NCAM2: variants seen among roughly 807,000 people sequenced by gnomAD.
NCAM2 encodes the protein neural cell adhesion molecule 2.
NCAM2 carries 30 observed loss-of-function variants against 98.1 expected under a neutral mutation model. That is an observed-to-expected ratio of 0.31 (90% CI 0.23 to 0.41). NCAM2 has a LOEUF of 0.41. Ranked by LOEUF, NCAM2 falls within the 10% of genes least tolerant of loss-of-function variation. The pLI, the probability that NCAM2 is intolerant of heterozygous loss-of-function variation, is 1.00. For missense variants in NCAM2, 867 were observed against 1,005.8 expected (o/e 0.86, Z 1.87); for synonymous variants, 368 against 342.4 (o/e 1.07, Z -0.83).
intron 1 of NCAM2, among the ~76,000 whole-genome samples, chr21:21,172,638 AC>A (rs2068160778): frequency 1.3e-5 from 2 of 152,230 alleles, no homozygotes; most frequent in South Asian, 4.1e-4. Flanking sequence ...TCAGCCTTTA[AC>A]TGGATAAAGT....
intron 12 of NCAM2, among the ~76,000 whole-genome samples, chr21:21,450,542 A>G (rs1252235420): frequency 6.6e-6 from 1 of 151,774 alleles, no homozygotes; most frequent in Non-Finnish European, 1.5e-5. Flanking sequence ...GTTGCTCAGG[A>G]TGGTCTCAAA....
intron 8 of NCAM2, among the ~76,000 whole-genome samples, chr21:21,353,843 G>T (rs372357464): frequency 6.6e-6 from 1 of 152,136 alleles, no homozygotes; most frequent in Non-Finnish European, 1.5e-5. Flanking sequence ...AGGAAAAAAA[G>T]AACATATTGT....
In NCAM2 at chr21:21,428,748, G is replaced by GAAAA. The variant is rs919420467; in HGVS notation, c.1481-3358_1481-3355dup. On this transcript the variant is annotated intron_variant, in intron 11 of 17. Transcript: ENST00000400546. ...AGGGTGAAGACAATTACAGATTACA[G>GAAAA]AAAAATCCAGAAAGTGAAGAGAAGA... is the stretch of plus-strand genomic sequence containing the variant. Among the ~76,000 whole-genome samples the GAAAA allele has an allele frequency of 1.6e-4, 25 of 152,276 alleles. No individual in the cohort carries two copies. In the South Asian group the frequency reaches 2.7e-3, roughly 16 times the overall value.
chr21:21,141,656 T>A (rs184997958), intron 1 of NCAM2, among the ~76,000 whole-genome samples: 2 of 152,332 alleles, frequency 1.3e-5, no homozygotes, highest in African/African-American at 4.8e-5. Flanking sequence ...GTGCTCAAAT[T>A]TTCTCCTCCT....
intron 2 of NCAM2, among the ~76,000 whole-genome samples, chr21:21,281,153 T>C (rs1189909597): frequency 6.6e-6 from 1 of 152,132 alleles, no homozygotes; most frequent in Non-Finnish European, 1.5e-5. Flanking sequence ...AAAATGATAT[T>C]AATTTTATTT....
intron 1 of NCAM2, among the ~76,000 whole-genome samples, chr21:21,076,581 T>C (rs1221519423): frequency 6.6e-6 from 1 of 152,196 alleles, no homozygotes; most frequent in Non-Finnish European, 1.5e-5. Context: ...GGTCAGTCTA[T>C]TTGATCTCAC....
intron 1 of NCAM2, among the ~76,000 whole-genome samples, chr21:21,024,111 A>G (rs1229094338): frequency 3.3e-5 from 5 of 152,232 alleles, no homozygotes; most frequent in Non-Finnish European, 5.9e-5. Context: ...GATATTCCAT[A>G]TAAGTGATGA....
chr21:21,252,695 T>C (rs1254032153), intron 1 of NCAM2, among the ~76,000 whole-genome samples: 2 of 152,120 alleles, frequency 1.3e-5, no homozygotes, highest in Non-Finnish European at 2.9e-5. Flanking sequence ...ACTTGAGAAA[T>C]TATGCTGGAT....
intron 1 of NCAM2, among the ~76,000 whole-genome samples, chr21:21,136,623 G>GGTTTTTTTTT (rs373375869): frequency 1.8e-5 from 1 of 55,750 alleles, no homozygotes. Context: ...CACCACGCCT[G>GGTTTTTTTTT]TTTTTTGTTT....
rs114070811 is a variant in NCAM2 at position 21,527,888 on chromosome 21, C to A, written c.2283-6649C>A. On this transcript the variant is annotated intron_variant, in intron 16 of 17. Transcript: ENST00000400546. The stretch of plus-strand genomic sequence containing the variant: ...TTGAAAGTGTATGTCTACACCAAAA[C>A]CGCACACTGATGTTTTCAGAAGCTT... Among the ~76,000 whole-genome samples the A allele has an allele frequency of 4.7e-3, 716 of 152,290 alleles. 4 individuals carry two copies. Among genetic ancestry groups the A allele is most frequent in the African/African-American group, 0.017 (686 of 41,568 alleles).
rs566336400 is a variant in NCAM2 at position 21,407,100 on chromosome 21, GACAT to G, written c.1196-3172_1196-3169del. Among the ~76,000 whole-genome samples the G allele has an allele frequency of 2.8e-4, 42 of 152,252 alleles. No individual in the cohort carries two copies. In the South Asian group the frequency reaches 2.9e-3, roughly 11 times the overall value. ...ATGACTATTTTTGGTACACCAACAT[GACAT>G]ATGGCTACATTCTTCAGCCACTTCA... On this transcript the variant is annotated intron_variant, in intron 9 of 17. Coordinates refer to ENST00000400546, the MANE Select transcript of NCAM2 (RefSeq NM_004540.5).
At chr21:21,265,313 GTATA>G (rs1568856592) in intron 1 of NCAM2, among the ~76,000 whole-genome samples, 1 of 124,314 alleles carries the variant, frequency 8.0e-6, no homozygotes, top group African/African-American at 3.0e-5. Flanking sequence ...ATACATACAC[GTATA>G]TATACACATA....
At chr21:21,291,222 TAATTAAGGA>T (rs1204664808) in intron 4 of NCAM2, among the ~76,000 whole-genome samples, 2 of 151,934 alleles carry the variant, frequency 1.3e-5, no homozygotes, top group Non-Finnish European at 2.9e-5. Context: ...ATGGATGTGT[TAATTAAGGA>T]AATTTTAGAT....
intron 1 of NCAM2, among the ~76,000 whole-genome samples, chr21:21,254,095 A>G (rs979066241): frequency 7.2e-5 from 11 of 152,214 alleles, no homozygotes; most frequent in Non-Finnish European, 1.6e-4. Context: ...ATCTCAGGAG[A>G]CTGAAAATCA....
Position 21,468,646 on chromosome 21 carries a change from T to G in NCAM2, c.1775-16T>G. The G allele has an allele frequency of 6.2e-7, 1 of 1,600,810 alleles. No homozygotes were observed. The highest frequency in any genetic ancestry group is 8.5e-7 in the Non-Finnish European group (1 of 1,173,098). The stretch of plus-strand genomic sequence containing the variant: ...GAAATGTGTGCAAATGAAGAAATGT[T>G]GTATTGTATATCTAGGTGAACCAAG... On this transcript the variant is annotated splice_polypyrimidine_tract_variant and intron_variant, in intron 13 of 17. Transcript: ENST00000400546.
At chr21:21,197,107 G>GT (rs1568753803) in intron 1 of NCAM2, among the ~76,000 whole-genome samples, 2 of 152,024 alleles carry the variant, frequency 1.3e-5, no homozygotes, top group South Asian at 4.2e-4. Context: ...GCTAAACCTC[G>GT]TTTTTTTGTT....
chr21:21,515,074 A>G (rs1178455314), intron 16 of NCAM2, among the ~76,000 whole-genome samples: 1 of 152,232 alleles, frequency 6.6e-6, no homozygotes, highest in African/African-American at 2.4e-5. Context: ...GGAGTGCATT[A>G]ATTTTGCAGA....
In NCAM2 at chr21:21,436,026, A is replaced by G. The variant is rs112982069; in HGVS notation, c.1654+3745A>G. ...ACGTTGTAAGATATGTGTGTCTGGC[A>G]CTTATTCTTTCTTTAGCCAAGAGAT... On this transcript the variant is annotated intron_variant, in intron 12 of 17. Transcript: ENST00000400546. Among the ~76,000 whole-genome samples the G allele has an allele frequency of 5.6e-3, 859 of 152,316 alleles. 7 individuals carry two copies. The highest frequency in any genetic ancestry group is 0.018 in the African/African-American group (760 of 41,578).
intron 1 of NCAM2, among the ~76,000 whole-genome samples, chr21:21,262,305 T>A (rs2071936144): frequency 6.6e-6 from 1 of 152,136 alleles, no homozygotes; most frequent in Non-Finnish European, 1.5e-5. Context: ...CTAATCTTAT[T>A]GAATATGTTT....
Sources: allele counts gnomAD v4.1 joint callset (sites outside exome capture counted in the v4.1 genomes callset), GRCh38; gene constraint gnomAD v4.1.1; transcripts MANE v1.5; gene names NCBI Gene and HGNC (gene_info 2026-07-23, HGNC 2026-07-21).